Variants in PDE5A observed in about 807,000 individuals in gnomAD.
PDE5A encodes phosphodiesterase 5A.
Under a neutral mutation model 110.2 loss-of-function variants are expected in PDE5A, and 67 were observed. That is an observed-to-expected ratio of 0.61 (90% confidence interval 0.50 to 0.75). The LOEUF (loss-of-function observed/expected upper bound fraction) is 0.75. Ranked by LOEUF, PDE5A falls within the 30% of genes least tolerant of loss-of-function variation. PDE5A has a pLI of 0.00. For missense variants in PDE5A, 862 were observed against 1,045.1 expected (o/e 0.82, Z 2.42); for synonymous variants, 328 against 351.2 (o/e 0.93, Z 0.74).
chr4:119,527,703 A>G (rs1380512665), intron 11 of PDE5A, among the ~76,000 whole-genome samples: 1 of 151,336 alleles, frequency 6.6e-6, no homozygotes, highest in Non-Finnish European at 1.5e-5. Context: ...ACTTTTATTC[A>G]TTAGAATTAG....
intron 1 of PDE5A, among the ~76,000 whole-genome samples, chr4:119,609,211 A>T (rs1483113280): frequency 6.6e-6 from 1 of 152,220 alleles, no homozygotes; most frequent in Non-Finnish European, 1.5e-5. Context: ...TTTTAAATGT[A>T]TGTATCCTTT....
intron 11 of PDE5A, 31 bp downstream of exon 11, chr4:119,538,929 A>C (rs780783959): frequency 3.9e-6 from 6 of 1,537,630 alleles, no homozygotes; most frequent in Non-Finnish European, 5.4e-6. Context: ...GTCTGTAATT[A>C]GTAATTTTTA....
intron 10 of PDE5A, among the ~76,000 whole-genome samples, chr4:119,541,416 T>C (rs1034450493): frequency 1.3e-5 from 2 of 151,912 alleles, no homozygotes; most frequent in African/African-American, 4.8e-5. Flanking sequence ...TAATTGAAAC[T>C]ATATTTGAAA....
intron 9 of PDE5A, among the ~76,000 whole-genome samples, chr4:119,546,088 A>T (rs930645235): frequency 6.6e-6 from 1 of 152,090 alleles, no homozygotes; most frequent in Non-Finnish European, 1.5e-5. Context: ...TTATAGATGT[A>T]TTACATTTAA....
chr4:119,574,951 G>A (rs2622500), intron 3 of PDE5A, among the ~76,000 whole-genome samples: 115,333 of 152,058 alleles, frequency 0.76, 44,081 homozygotes, highest in East Asian at 0.89. Context: ...AAGATCTGAT[G>A]AATGGCTAAC....
Position 119,545,720 on chromosome 4 carries a change from C to T in PDE5A, c.1397-3086G>A, listed in dbSNP as rs531404149. On this transcript the variant is annotated intron_variant, in intron 9 of 20. Coordinates refer to ENST00000354960, the MANE Select transcript of PDE5A (RefSeq NM_001083.4). Reference sequence around the variant, plus strand: ...TTTTCTTTTCCATAATTCTTGGGATCGGATGTTGTTACCAACCACAGTCTT... The same window carrying T: ...TTTTCTTTTCCATAATTCTTGGGATTGGATGTTGTTACCAACCACAGTCTT... Among the ~76,000 whole-genome samples, 40 of 152,240 alleles carry T rather than the reference C, an allele frequency of 2.6e-4. 1 individual carries two copies. In the East Asian group the frequency reaches 5.6e-3, roughly 21 times the overall value.
At chr4:119,585,197 C>A (rs1728717372) in intron 3 of PDE5A, among the ~76,000 whole-genome samples, 1 of 151,264 alleles carries the variant, frequency 6.6e-6, no homozygotes, top group African/African-American at 2.4e-5. Context: ...ATCGCTTGAA[C>A]CCGGGAGATG....
Position 119,525,403 on chromosome 4 carries a change from G to T in PDE5A, c.1779+146C>A. 1.5e-6 allele frequency: 1 copy of T among 655,386 alleles called. No homozygotes were observed. Among genetic ancestry groups the T allele is most frequent in the Non-Finnish European group, 2.4e-6 (1 of 413,752 alleles). The allele number at this position is 655,386 out of a possible 1,614,324, so 40.6% of individuals were successfully genotyped here. ...TGATAATGATAATTTTTCTTTAAAA[G>T]TCTCGGGTATATATTAGGTGACAGT... On this transcript the variant is annotated intron_variant, in intron 12 of 20. Transcript: ENST00000354960. This position sits in a 1 kb window ranked among gnomAD's most constrained non-coding sequence, Gnocchi z 4.3.
Position 119,498,676 on chromosome 4 carries a change from C to T in PDE5A, c.2553G>A (p.Gln851=). ...PLLDGCRKNR[Q]KWQALAEQQE... is the part of the protein sequence containing the mutation. Reference sequence around the variant, plus strand: ...GCTGTTCTGCAAGGGCCTGCCATTTCTGCCTGTTCTTTCTGCAGCCATCTA... The same window carrying T: ...GCTGTTCTGCAAGGGCCTGCCATTTTTGCCTGTTCTTTCTGCAGCCATCTA... The change falls in exon 21 of 21, where the codon CAG becomes CAA. Residue 851 remains glutamine (Q), a synonymous_variant. Transcript: ENST00000354960. The T allele has an allele frequency of 4.3e-6, 7 of 1,614,016 alleles. No homozygotes were observed. Among genetic ancestry groups the T allele is most frequent in the Non-Finnish European group, 5.9e-6 (7 of 1,179,922 alleles).
chr4:119,512,636 G>C (rs930642745), intron 14 of PDE5A, among the ~76,000 whole-genome samples: 1 of 152,082 alleles, frequency 6.6e-6, no homozygotes, highest in African/African-American at 2.4e-5. Flanking sequence ...CTGACTAGGA[G>C]TGGGATGAGG....
intron 14 of PDE5A, chr4:119,512,317 C>T (rs1445832007): frequency 6.6e-6 from 1 of 152,104 alleles, no homozygotes; most frequent in Non-Finnish European, 1.5e-5. Flanking sequence ...TTAATTCTTG[C>T]CCTTCTTGTC....
intron 18 of PDE5A, 115 bp downstream of exon 18, chr4:119,504,417 ATAAG>A (rs1323533595): frequency 8.5e-6 from 6 of 705,928 alleles, no homozygotes; most frequent in Non-Finnish European, 1.2e-5. Flanking sequence ...TGATGAACAT[ATAAG>A]TGTCTTTTTT....
rs112266056 is a variant in PDE5A, at chr4:119,540,329, A to C, written c.1573-1310T>G. On this transcript the variant is annotated intron_variant, in intron 10 of 20. Transcript: ENST00000354960. ...AAGCCAAATGATACATATTTGTACT[A>C]TCTTATGATTTAGAACTGTTACCAT... Among the ~76,000 whole-genome samples the C allele has an allele frequency of 5.8e-3, 880 of 152,288 alleles. 14 individuals carry two copies. The highest frequency in any genetic ancestry group is 0.019 in the African/African-American group (808 of 41,576).
intron 9 of PDE5A, among the ~76,000 whole-genome samples, chr4:119,547,934 T>C (rs2110491822): frequency 6.6e-6 from 1 of 152,110 alleles, no homozygotes; most frequent in Admixed American, 6.6e-5. Context: ...ATATGTCAAT[T>C]AAATCCACTT....
chr4:119,516,838 C>T (rs1725925493), intron 14 of PDE5A, among the ~76,000 whole-genome samples: 1 of 152,182 alleles, frequency 6.6e-6, no homozygotes, highest in African/African-American at 2.4e-5. Flanking sequence ...CCAGCCTGGT[C>T]TCGAACTCCT....
At chr4:119,584,492 C>A (rs1728689558) in intron 3 of PDE5A, among the ~76,000 whole-genome samples, 1 of 152,172 alleles carries the variant, frequency 6.6e-6, no homozygotes, top group Non-Finnish European at 1.5e-5. Context: ...TCCACAAAAA[C>A]CTCTTTAGCA....
At chr4:119,509,813 A>G (rs769128992) in intron 15 of PDE5A, among the ~76,000 whole-genome samples, 1 of 151,970 alleles carries the variant, frequency 6.6e-6, no homozygotes, top group Non-Finnish European at 1.5e-5. Context: ...GGGAGGCGTG[A>G]GAGTGTGTTC....
chr4:119,598,097 T>G (rs1448103694), intron 2 of PDE5A, among the ~76,000 whole-genome samples: 1 of 152,144 alleles, frequency 6.6e-6, no homozygotes, highest in Non-Finnish European at 1.5e-5. Context: ...TAGTGAATTA[T>G]TTTACAAACC....
chr4:119,590,294 T>G (rs748778896), intron 3 of PDE5A, among the ~76,000 whole-genome samples: 10 of 152,196 alleles, frequency 6.6e-5, no homozygotes, highest in Non-Finnish European at 2.9e-5. Context: ...CACACATGTT[T>G]ACTGTCTCCT....
Sources: allele counts gnomAD v4.1 joint callset (sites outside exome capture counted in the v4.1 genomes callset), GRCh38; gene constraint gnomAD v4.1.1; non-coding constraint Gnocchi (gnomAD v3.1); transcripts MANE v1.5; gene names NCBI Gene and HGNC (gene_info 2026-07-23, HGNC 2026-07-21).